Variants in CD40 observed in about 807,000 individuals in gnomAD.
CD40 encodes tumor necrosis factor receptor superfamily member 5.
Under a neutral mutation model 38.5 loss-of-function variants are expected in CD40, and 19 were observed. The ratio of observed to expected loss-of-function variants is 0.49; its 90% CI spans 0.34 to 0.72. The LOEUF (loss-of-function observed/expected upper bound fraction) is 0.72, where lower values mean the gene tolerates loss of function less well. Among genes scored for constraint, CD40 ranks in the 30% least tolerant of loss-of-function variants. The pLI is 0.01. For missense variants in CD40, 256 were observed against 344.1 expected, an observed-to-expected ratio of 0.74 and a Z score of 2.03; for synonymous variants, 130 against 128.7, an observed-to-expected ratio of 1.01 and a Z score of -0.07.
In CD40 at chr20:46,119,015, G is replaced by GA. The variant is rs1386591455; in HGVS notation, c.51+621_51+622insA. 3.6e-4 allele frequency among the ~76,000 whole-genome samples: 54 copies of GA among 151,854 alleles called. 1 individual carries two copies. In the South Asian group the frequency reaches 0.011, roughly 31 times the overall value. ...TTAAGATGACATAGGAGACCCCTGG[G>GA]GAGATGAACAGTTTATGGGACACAA... is the stretch of plus-strand genomic sequence containing the variant. On this transcript the variant is annotated intron_variant, in intron 1 of 8. Transcript: ENST00000372285.
intron 6 of CD40, 44 bp downstream of exon 6, chr20:46,126,745 G>T (rs573008017): frequency 6.2e-7 from 1 of 1,613,872 alleles, no homozygotes; most frequent in African/African-American, 1.3e-5. Context: ...TAGGAAGGTG[G>T]GAACTGAAGG....
In CD40 at chr20:46,122,554, G is replaced by T; in HGVS notation, c.257-56G>T. The T allele has an allele frequency of 6.2e-7, 1 of 1,611,972 alleles. No homozygotes were observed. The highest frequency in any genetic ancestry group is 8.5e-7 in the Non-Finnish European group (1 of 1,178,148). On this transcript the variant is annotated intron_variant, in intron 3 of 8. Coordinates refer to ENST00000372285, the MANE Select transcript of CD40 (RefSeq NM_001250.6). The surrounding 1 kb of genome is among the most constrained non-coding windows in gnomAD (Gnocchi z 5.0). Reference sequence around the variant, plus strand: ...AAAGAGCAGGCAATGTGGGGAGTGAGGCTCAGAGCATGGCCCAGCAGGGGG... The same window carrying T: ...AAAGAGCAGGCAATGTGGGGAGTGATGCTCAGAGCATGGCCCAGCAGGGGG...
chr20:46,123,733 G>A (rs1217657559), intron 5 of CD40, among the ~76,000 whole-genome samples: 1 of 149,616 alleles, frequency 6.7e-6, no homozygotes, highest in Non-Finnish European at 1.5e-5. Flanking sequence ...CTGCCTCCTG[G>A]CCTCCCTGCC....
chr20:46,128,743 G>A (rs761561998), intron 8 of CD40, 139 bp from the exon 9 acceptor site: 4 of 860,950 alleles, frequency 4.6e-6, no homozygotes, highest in South Asian at 3.2e-5. Flanking sequence ...GGGGCAGGAG[G>A]CACCCGAGGA....
In CD40 at chr20:46,122,378, A is replaced by G. The variant is rs923172384; in HGVS notation, c.256+20A>G. ...ACCCCAGTGCGTGCGCTGTTGGGAA[A>G]GGGACGCTTGGGAACCGGGCTGATA... On this transcript the variant is annotated intron_variant, in intron 3 of 8. Transcript: ENST00000372285. The surrounding 1 kb of genome is among the most constrained non-coding windows in gnomAD (Gnocchi z 5.0). The G allele has an allele frequency of 5.6e-6, 9 of 1,614,132 alleles. No individual in the cohort carries two copies. The highest frequency in any genetic ancestry group is 7.6e-6 in the Non-Finnish European group (9 of 1,180,032).
chr20:46,124,496 A>AACAC (rs756357206), intron 5 of CD40, among the ~76,000 whole-genome samples: 9 of 149,606 alleles, frequency 6.0e-5, no homozygotes, highest in East Asian at 1.9e-4. Context: ...TAAACAAACC[A>AACAC]ACACACACAC....
In CD40 at chr20:46,128,171, T is replaced by C; in HGVS notation, c.593T>C (p.Ile198Thr). Residue 198 changes from isoleucine to threonine, a missense_variant, in exon 7 of 9, where the codon ATC (isoleucine) becomes ACC (threonine). Coordinates refer to ENST00000372285, the MANE Select transcript of CD40 (RefSeq NM_001250.6). Reference protein sequence around the residue: ...PQDRLRALVVIPIIFGILFAI... With the variant: ...PQDRLRALVVTPIIFGILFAI... ...GATCGGCTGAGAGCCCTGGTGGTGA[T>C]CCCCATCATCTTCGGGATCCTGTTT... 1 of 1,613,874 alleles carries C rather than the reference T, an allele frequency of 6.2e-7. No individual in the cohort carries two copies.
chr20:46,128,983 A>G lies in CD40; in HGVS notation c.777A>G (p.Gln259=), dbSNP rs369693842. 27 of 1,614,190 alleles carry G rather than the reference A, an allele frequency of 1.7e-5. No individual in the cohort carries two copies. The African/African-American group carries it at 2.8e-4, about 17-fold the overall frequency. ...TGCAGGAGACTTTACATGGATGCCA[A>G]CCGGTCACCCAGGAGGATGGCAAAG... is the stretch of plus-strand genomic sequence containing the variant. The part of the protein sequence containing the change: ...APVQETLHGC[Q]PVTQEDGKES... The change falls in exon 9 of 9, where the codon CAA becomes CAG. Residue 259 remains glutamine (Q), a synonymous_variant. Transcript: ENST00000372285.
Position 46,122,888 on chromosome 20 carries a change from C to A in CD40, c.403+132C>A. On this transcript the variant is annotated intron_variant, in intron 4 of 8. Coordinates refer to ENST00000372285, the MANE Select transcript of CD40 (RefSeq NM_001250.6). This position sits in a 1 kb window ranked among gnomAD's most constrained non-coding sequence, Gnocchi z 5.0. ...AGGCTCCAACCTATGTCGGTATCCC[C>A]ACTGGAGTGAGCTGCAGACGGGACC... is the stretch of plus-strand genomic sequence containing the variant. The A allele has an allele frequency of 8.4e-7, 1 of 1,187,698 alleles. No individual in the cohort carries two copies. The highest frequency in any genetic ancestry group is 1.2e-6 in the Non-Finnish European group (1 of 832,536). 73.6% of individuals were successfully genotyped at this position (1,187,698 alleles called of 1,614,324 possible).
At chr20:46,121,739 C>T (rs1600655270) in intron 1 of CD40, 81 bp from the exon 2 acceptor site, 2 of 1,049,082 alleles carry the variant, frequency 1.9e-6, no homozygotes, top group East Asian at 4.7e-5. Context: ...AGCCTCTGTC[C>T]TGGATGACTT....
At chr20:46,128,783 G>T (rs776250779) in intron 8 of CD40, 99 bp from the exon 9 acceptor site, 9 of 1,304,572 alleles carry the variant, frequency 6.9e-6, no homozygotes, top group Admixed American at 1.8e-5. Context: ...CTGGGAAAGG[G>T]GGGAGGGCTT....
In CD40 at chr20:46,129,140, C is replaced by A; in HGVS notation, c.*100C>A. On this transcript the variant is annotated 3_prime_UTR_variant, in exon 9 of 9. Transcript: ENST00000372285. ...GTGGCGTGAGGGTGAGGGGCTGGCA[C>A]TGACTGGGCATAGCTCCCCGCTTCT... 7.3e-7 allele frequency: 1 copy of A among 1,362,400 alleles called. No individual in the cohort carries two copies. Among genetic ancestry groups the A allele is most frequent in the Non-Finnish European group, 1.0e-6 (1 of 961,432 alleles). The allele number at this position is 1,362,400 out of a possible 1,614,324, so 84.4% of individuals were successfully genotyped here.
Position 46,129,124 on chromosome 20 carries a change from G to C in CD40, c.*84G>C, listed in dbSNP as rs1326510001. ...TGGTGCTGCTGCTGCTGTGGCGTGA[G>C]GGTGAGGGGCTGGCACTGACTGGGC... On this transcript the variant is annotated 3_prime_UTR_variant, in exon 9 of 9. Coordinates refer to ENST00000372285, the MANE Select transcript of CD40 (RefSeq NM_001250.6). 1 of 1,506,138 alleles carries C rather than the reference G, an allele frequency of 6.6e-7. No homozygotes were observed. The highest frequency in any genetic ancestry group is 9.2e-7 in the Non-Finnish European group (1 of 1,088,218). 93.3% of individuals were successfully genotyped at this position (1,506,138 alleles called of 1,614,324 possible).
intron 6 of CD40, 160 bp downstream of exon 6, chr20:46,126,861 C>A: frequency 8.5e-7 from 1 of 1,170,808 alleles, no homozygotes; most frequent in Non-Finnish European, 1.2e-6. Context: ...CTGGGCAAAT[C>A]ACTTCCCCTC....
At position 46,122,544 on chromosome 20, in the gene CD40, T is replaced by A; in HGVS notation, c.257-66T>A. The A allele has an allele frequency of 2.5e-6, 4 of 1,606,170 alleles. No homozygotes were observed. The highest frequency in any genetic ancestry group is 3.4e-6 in the Non-Finnish European group (4 of 1,173,000). On this transcript the variant is annotated intron_variant, in intron 3 of 8. Coordinates refer to ENST00000372285, the MANE Select transcript of CD40 (RefSeq NM_001250.6). The surrounding 1 kb of genome is among the most constrained non-coding windows in gnomAD (Gnocchi z 5.0). ...TCTGAGGAAGAAAGAGCAGGCAATG[T>A]GGGGAGTGAGGCTCAGAGCATGGCC... is the stretch of plus-strand genomic sequence containing the variant.
At chr20:46,128,493 T>A in intron 8 of CD40, 135 bp downstream of exon 8, 1 of 942,160 alleles carries the variant, frequency 1.1e-6, no homozygotes, top group Non-Finnish European at 1.7e-6. Context: ...TTGGGGACTG[T>A]CATCCCCACC....
chr20:46,129,210 C>A lies in CD40; in HGVS notation c.*170C>A. On this transcript the variant is annotated 3_prime_UTR_variant, in exon 9 of 9. Coordinates refer to ENST00000372285, the MANE Select transcript of CD40 (RefSeq NM_001250.6). ...GAGACAGGAGACCTGGCACTGGATG[C>A]AGAAACAGTTCACCTTGAAGAACCT... 1.4e-6 allele frequency: 1 copy of A among 707,220 alleles called. No individual in the cohort carries two copies. The highest frequency in any genetic ancestry group is 2.1e-5 in the Admixed American group (1 of 48,174). The allele number at this position is 707,220 out of a possible 1,614,324, so 43.8% of individuals were successfully genotyped here.
At position 46,122,395 on chromosome 20, in the gene CD40, G is replaced by A. The variant is rs780657096; in HGVS notation, c.256+37G>A. 23 of 1,613,588 alleles carry A rather than the reference G, an allele frequency of 1.4e-5. No individual in the cohort carries two copies. The highest frequency in any genetic ancestry group is 1.7e-4 in the Middle Eastern group (1 of 6,004). Reference sequence around the variant, plus strand: ...GTTGGGAAAGGGACGCTTGGGAACCGGGCTGATATTCCCGACAATGCAGCC... The same window carrying A: ...GTTGGGAAAGGGACGCTTGGGAACCAGGCTGATATTCCCGACAATGCAGCC... On this transcript the variant is annotated intron_variant, in intron 3 of 8. Coordinates refer to ENST00000372285, the MANE Select transcript of CD40 (RefSeq NM_001250.6). This position sits in a 1 kb window ranked among gnomAD's most constrained non-coding sequence, Gnocchi z 5.0.
In CD40 at chr20:46,123,096, G is replaced by A. The variant is rs753845450; in HGVS notation, c.404-30G>A. On this transcript the variant is annotated intron_variant, in intron 4 of 8. Transcript: ENST00000372285. ...GCCGGACAGGTGGTCCACTGTGATGGTTAATGTCCCCCTCCCCACCCACTC... is the reference window on the plus strand; with the variant it reads ...GCCGGACAGGTGGTCCACTGTGATGATTAATGTCCCCCTCCCCACCCACTC... 91 of 1,542,020 alleles carry A rather than the reference G, an allele frequency of 5.9e-5. 2 individuals are homozygous for A. In the South Asian group the frequency reaches 8.8e-4, roughly 15 times the overall value.
Sources: gnomAD v4.1 joint callset for allele counts (sites outside exome capture counted in the v4.1 genomes callset) on GRCh38, gnomAD v4.1.1 for gene constraint, Gnocchi (gnomAD v3.1) non-coding constraint, MANE v1.5 for transcripts, NCBI Gene and HGNC (gene_info 2026-07-23, HGNC 2026-07-21) for gene names.